The following OSBPL10 variants were observed in gnomAD, a reference collection of about 807,000 sequenced individuals.
OSBPL10 encodes the protein oxysterol-binding protein-related protein 10.
Under a neutral mutation model 81.7 loss-of-function variants are expected in OSBPL10, and 49 were observed. The observed-to-expected ratio is 0.60, with a 90% confidence interval of 0.48 to 0.76. OSBPL10 has a LOEUF of 0.76. Among genes scored for constraint, OSBPL10 ranks in the 30% least tolerant of loss-of-function variants. The pLI is 0.00. For synonymous variants in OSBPL10, 419 were observed against 383.6 expected (o/e 1.09, Z -1.08); for missense variants, 923 against 987.8 (o/e 0.93, Z 0.88).
intron 3 of OSBPL10, among the ~76,000 whole-genome samples, chr3:31,860,124 A>T (rs1701022983): frequency 6.6e-6 from 1 of 152,170 alleles, no homozygotes; most frequent in African/African-American, 2.4e-5. Context: ...GAGTCAATGA[A>T]AAGCCTTTTC....
chr3:32,000,560 A>G (rs535960235), intron 2 of OSBPL10, among the ~76,000 whole-genome samples: 145 of 152,318 alleles, frequency 9.5e-4, no homozygotes, highest in African/African-American at 3.4e-3. Context: ...CATTTATCTA[A>G]CACACTCTAA....
intron 3 of OSBPL10, among the ~76,000 whole-genome samples, chr3:31,849,665 C>T (rs185493140): frequency 1.3e-5 from 2 of 152,258 alleles, no homozygotes; most frequent in African/African-American, 4.8e-5. Flanking sequence ...ATGACATATG[C>T]ATTCCACTAA....
intron 2 of OSBPL10, chr3:32,030,314 T>C: frequency 2.2e-6 from 1 of 463,230 alleles, no homozygotes; most frequent in East Asian, 4.8e-5. Context: ...GGTGATACTG[T>C]GGAAATCAAG....
chr3:31,695,374 T>C (rs1223808391), intron 7 of OSBPL10, among the ~76,000 whole-genome samples: 2 of 152,176 alleles, frequency 1.3e-5, no homozygotes, highest in African/African-American at 4.8e-5. Flanking sequence ...TCTCTGCTAT[T>C]GCCCCATATG....
intron 4 of OSBPL10, among the ~76,000 whole-genome samples, chr3:31,799,153 T>G (rs962519367): frequency 3.6e-4 from 55 of 152,030 alleles, no homozygotes; most frequent in African/African-American, 1.2e-3. Flanking sequence ...GAACTATAAC[T>G]CAGGTGATTC....
At chr3:31,866,189 A>G (rs1330018342) in intron 3 of OSBPL10, among the ~76,000 whole-genome samples, 1 of 152,106 alleles carries the variant, frequency 6.6e-6, no homozygotes, top group African/African-American at 2.4e-5. Context: ...ACATTTTGCT[A>G]TGGATAGAAT....
In OSBPL10 at chr3:32,056,186, C is replaced by T. The variant is rs150316377; in HGVS notation, n.186-9583G>A. On this transcript the variant is annotated intron_variant and non_coding_transcript_variant, in intron 1 of 3. Coordinates refer to the OSBPL10 transcript ENST00000479173. ...CATGATACACCTGTTTATTAGATTCCGGTCTTATCAGTTGTTTTTGAGTTT... is the reference window on the plus strand; with the variant it reads ...CATGATACACCTGTTTATTAGATTCTGGTCTTATCAGTTGTTTTTGAGTTT... 9.9e-4 allele frequency among the ~76,000 whole-genome samples: 151 copies of T among 152,218 alleles called. No individual in the cohort carries two copies. The Middle Eastern group carries it at 0.014, about 14-fold the overall frequency.
intron 1 of OSBPL10, among the ~76,000 whole-genome samples, chr3:31,880,444 A>G (rs1484679000): frequency 1.3e-5 from 2 of 151,748 alleles, no homozygotes; most frequent in Non-Finnish European, 2.9e-5. Context: ...CATCCATGGT[A>G]AAAGAAGAAG....
At chr3:31,987,895 G>C (rs1401054217) in intron 2 of OSBPL10, among the ~76,000 whole-genome samples, 5 of 152,130 alleles carry the variant, frequency 3.3e-5, no homozygotes, top group African/African-American at 1.2e-4. Flanking sequence ...GATTTTCAGG[G>C]GAAAACATAG....
At chr3:31,911,965 G>T (rs1360902381) in intron 1 of OSBPL10, among the ~76,000 whole-genome samples, 1 of 152,126 alleles carries the variant, frequency 6.6e-6, no homozygotes, top group Non-Finnish European at 1.5e-5. Context: ...GACAAGCATT[G>T]ATTAAAAATG....
chr3:31,702,490 A>G lies in OSBPL10; in HGVS notation c.1114T>C (p.Leu372=), dbSNP rs771277021. The part of the protein sequence containing the change: ...PEPEPNSGSE[L]VLSEDEKSDN... ...CTTTTTTCATCTTCAGACAAAACCA[A>G]TTCAGAGCCTGAGTTTGGCTAAAAT... Residue 372 remains leucine (L), a synonymous_variant, in exon 7 of 12, where the codon TTG becomes CTG. Transcript: ENST00000396556. 36 of 1,614,076 alleles carry G rather than the reference A, an allele frequency of 2.2e-5. No individual in the cohort carries two copies. The highest frequency in any genetic ancestry group is 3.0e-5 in the Non-Finnish European group (35 of 1,180,030).
intron 4 of OSBPL10, among the ~76,000 whole-genome samples, chr3:31,824,185 A>AT (rs1391030246): frequency 1.3e-5 from 2 of 152,120 alleles, no homozygotes. Flanking sequence ...TAAAGACACC[A>AT]TGGTCAATGA....
intron 4 of OSBPL10, among the ~76,000 whole-genome samples, chr3:31,815,030 T>C (rs1000735347): frequency 3.9e-5 from 6 of 151,908 alleles, no homozygotes; most frequent in Admixed American, 1.3e-4. Flanking sequence ...TAGCAACTTC[T>C]GCTCTCTATC....
Position 31,901,812 on chromosome 3 carries a change from C to T in OSBPL10, c.282-21982G>A, listed in dbSNP as rs146785846. On this transcript the variant is annotated intron_variant, in intron 1 of 11. Transcript: ENST00000396556. ...CAGCACTTTGGGAAGCCAAGGCGGG[C>T]GGACTGCCTGAGCTCAGGAGTTCAA... 6.6e-5 allele frequency among the ~76,000 whole-genome samples: 10 copies of T among 152,240 alleles called. No homozygotes were observed. In the East Asian group the frequency reaches 1.7e-3, roughly 26 times the overall value.
At chr3:31,693,952 T>A (rs1695633624) in intron 7 of OSBPL10, among the ~76,000 whole-genome samples, 1 of 152,092 alleles carries the variant, frequency 6.6e-6, no homozygotes, top group Admixed American at 6.6e-5. Flanking sequence ...ATAGTTTTGG[T>A]AGAGACAAGG....
chr3:31,946,448 T>A (rs1697706154), intron 1 of OSBPL10, among the ~76,000 whole-genome samples: 1 of 151,882 alleles, frequency 6.6e-6, no homozygotes, highest in Non-Finnish European at 1.5e-5. Context: ...AAGAATTTTT[T>A]AAGTCGTTTC....
At chr3:31,889,504 C>T (rs1270651968) in intron 1 of OSBPL10, among the ~76,000 whole-genome samples, 1 of 151,892 alleles carries the variant, frequency 6.6e-6, no homozygotes, top group South Asian at 2.1e-4. Context: ...CTCAGCAACA[C>T]AGATGGAACT....
At chr3:31,857,552 C>T (rs1055905398) in intron 3 of OSBPL10, among the ~76,000 whole-genome samples, 2 of 151,720 alleles carry the variant, frequency 1.3e-5, no homozygotes, top group Non-Finnish European at 2.9e-5. Flanking sequence ...AAAAGAGCCT[C>T]GGCTCCAGGT....
intron 4 of OSBPL10, among the ~76,000 whole-genome samples, chr3:31,803,460 T>C (rs950698736): frequency 3.3e-5 from 5 of 152,220 alleles, no homozygotes; most frequent in Non-Finnish European, 2.9e-5. Flanking sequence ...GTACCTCACA[T>C]GTATGATGGG....
Sources: allele counts gnomAD v4.1 joint callset (sites outside exome capture counted in the v4.1 genomes callset), GRCh38; gene constraint gnomAD v4.1.1; transcripts MANE v1.5; gene names NCBI Gene and HGNC (gene_info 2026-07-23, HGNC 2026-07-21).